The following ZNF462 variants were observed in gnomAD, a reference collection of about 807,000 sequenced individuals.
ZNF462 encodes the protein zinc finger PBX1-interacting protein.
In ZNF462, 10 loss-of-function variants were observed where a neutral mutation model predicts 201.9. That is an observed-to-expected ratio of 0.05 (90% confidence interval 0.03 to 0.08). ZNF462 has a LOEUF of 0.08. Among genes scored for constraint, ZNF462 ranks in the 10% least tolerant of loss-of-function variants. The pLI is 1.00. For synonymous variants in ZNF462, 1,227 were observed against 1,193.3 expected (o/e 1.03, Z -0.58); for missense variants, 2,523 against 3,168.3 (o/e 0.80, Z 4.89).
In ZNF462 at chr9:106,895,632, G is replaced by A. The variant is rs138804854; in HGVS notation, c.-30-27722G>A. ...ACATTTGAAACTGGATAGATCTTAC[G>A]TTATTTAATCCCTATGAAATGGATA... is the stretch of plus-strand genomic sequence containing the variant. On this transcript the variant is annotated intron_variant, in intron 1 of 12. Transcript: ENST00000277225. The surrounding 1 kb of genome is among the most constrained non-coding windows in gnomAD (Gnocchi z 4.4). Among the ~76,000 whole-genome samples, 3 of 152,316 alleles carry A rather than the reference G, an allele frequency of 2.0e-5. No individual in the cohort carries two copies. The highest frequency in any genetic ancestry group is 1.3e-4 in the Admixed American group (2 of 15,302).
In ZNF462 at chr9:106,962,576, A is replaced by C. The variant is rs1831890983; in HGVS notation, c.6428-9429A>C. Among the ~76,000 whole-genome samples the C allele has an allele frequency of 6.6e-6, 1 of 152,056 alleles. No individual in the cohort carries two copies. Among genetic ancestry groups the C allele is most frequent in the African/African-American group, 2.4e-5 (1 of 41,412 alleles). Reference sequence around the variant, plus strand: ...TAAGTATGATGGGAAACTAGATCTCAAAAAAGAGAAAGCTTGCCCATTTTT... The same window carrying C: ...TAAGTATGATGGGAAACTAGATCTCCAAAAAGAGAAAGCTTGCCCATTTTT... On this transcript the variant is annotated intron_variant, in intron 7 of 12. Coordinates refer to ENST00000277225, the MANE Select transcript of ZNF462 (RefSeq NM_021224.6). This position sits in a 1 kb window ranked among gnomAD's most constrained non-coding sequence, Gnocchi z 4.6.
rs1827288578 is a variant in ZNF462, at chr9:106,865,443, T to C, written c.-31+2088T>C. On this transcript the variant is annotated intron_variant, in intron 1 of 12. Transcript: ENST00000277225. The surrounding 1 kb of genome is among the most constrained non-coding windows in gnomAD (Gnocchi z 4.1). Reference sequence around the variant, plus strand: ...CATGTTTTGATGCATTGCAAGACTTTATTGTCTGATTTGAGTTGATTTCTG... The same window carrying C: ...CATGTTTTGATGCATTGCAAGACTTCATTGTCTGATTTGAGTTGATTTCTG... Among the ~76,000 whole-genome samples, 1 of 152,220 alleles carries C rather than the reference T, an allele frequency of 6.6e-6. No homozygotes were observed. Among genetic ancestry groups the C allele is most frequent in the African/African-American group, 2.4e-5 (1 of 41,456 alleles).
intron 10 of ZNF462, among the ~76,000 whole-genome samples, chr9:106,997,107 CT>C (rs1828791181): frequency 3.3e-5 from 5 of 150,784 alleles, no homozygotes; most frequent in Admixed American, 1.3e-4. Context: ...TCTTTTCTTT[CT>C]TTCCCCCCCC....
chr9:106,949,418 A>C (rs942065382), intron 7 of ZNF462, among the ~76,000 whole-genome samples: 1 of 152,202 alleles, frequency 6.6e-6, no homozygotes, highest in East Asian at 1.9e-4. Flanking sequence ...GAAAAAGCCA[A>C]TGGAATCTGG....
intron 7 of ZNF462, among the ~76,000 whole-genome samples, chr9:106,971,418 T>C (rs891573503): frequency 1.3e-5 from 2 of 151,998 alleles, no homozygotes; most frequent in Non-Finnish European, 2.9e-5. Flanking sequence ...TTTACTTTCT[T>C]CCTACACTTT....
rs1370377278 is a variant in ZNF462, at chr9:106,927,534, G to A, written c.3622G>A (p.Val1208Ile). The A allele has an allele frequency of 6.2e-7, 1 of 1,613,912 alleles. No individual in the cohort carries two copies. The highest frequency in any genetic ancestry group is 8.5e-7 in the Non-Finnish European group (1 of 1,179,990). ...TTATGGGAACCGGACGGTCAAAGGG[G>A]TACTCATTCATTATCAGAAGAAGCA... ...CDYGNRTVKG[V>I]LIHYQKKHRD... Residue 1208 changes from valine to isoleucine, a missense_variant, in exon 3 of 13, where the codon GTA becomes ATA. Transcript: ENST00000277225.
At chr9:106,871,412 G>C (rs1412068318) in intron 1 of ZNF462, among the ~76,000 whole-genome samples, 1 of 152,216 alleles carries the variant, frequency 6.6e-6, no homozygotes, top group Non-Finnish European at 1.5e-5. Context: ...AATTTGCTGG[G>C]AAGGAGTGAC....
At position 106,915,214 on chromosome 9, in the gene ZNF462, CT is replaced by C. The variant is rs796730828; in HGVS notation, c.-30-8129del. Among the ~76,000 whole-genome samples the C allele has an allele frequency of 2.9e-3, 370 of 128,608 alleles. 1 individual carries two copies. The highest frequency in any genetic ancestry group is 8.9e-3 in the African/African-American group (315 of 35,298). The allele number at this position is 128,608 out of a possible 152,430, so 84.4% of individuals were successfully genotyped here. A position where few individuals can be genotyped will look rare whatever the true frequency, so the allele number is the denominator to read the frequency against. On this transcript the variant is annotated intron_variant, in intron 1 of 12. Coordinates refer to ENST00000277225, the MANE Select transcript of ZNF462 (RefSeq NM_021224.6). ...GCATTTCTGTATGTTTTTTTTTTTT[CT>C]TTTTTTTTTTAAAACAGCTCAACAG...
rs767741478 is a variant in ZNF462 at position 106,993,469 on chromosome 9, G to C, written c.7056+9060G>C. On this transcript the variant is annotated intron_variant, in intron 10 of 12. Coordinates refer to ENST00000277225, the MANE Select transcript of ZNF462 (RefSeq NM_021224.6). The surrounding 1 kb of genome is among the most constrained non-coding windows in gnomAD (Gnocchi z 4.0). ...TTTATCTTTGTTACTAGTGAGCGAG[G>C]CATCACTTGTAATCTCTTAGGATCT... 6.6e-6 allele frequency among the ~76,000 whole-genome samples: 1 copy of C among 151,990 alleles called. No individual in the cohort carries two copies. The highest frequency in any genetic ancestry group is 1.9e-4 in the East Asian group (1 of 5,168).
In ZNF462 at chr9:106,958,169, T is replaced by C. The variant is rs560465088; in HGVS notation, c.6428-13836T>C. ...GGAATGTGCTGCCAGTTGGTTTTTC[T>C]CACAGTGGGAATGCATTTCTACCAA... On this transcript the variant is annotated intron_variant, in intron 7 of 12. Coordinates refer to ENST00000277225, the MANE Select transcript of ZNF462 (RefSeq NM_021224.6). Among the ~76,000 whole-genome samples, 4 of 152,174 alleles carry C rather than the reference T, an allele frequency of 2.6e-5. No individual in the cohort carries two copies. In the East Asian group the frequency reaches 5.8e-4, roughly 22 times the overall value.
chr9:106,924,778 C>T lies in ZNF462; in HGVS notation c.866C>T (p.Pro289Leu), dbSNP rs756575902. The T allele has an allele frequency of 2.9e-5, 47 of 1,614,018 alleles. No homozygotes were observed. The highest frequency in any genetic ancestry group is 9.3e-5 in the African/African-American group (7 of 74,910). ...GAAGGAACTAATCTACCTGATGTGC[C>T]GAACAAGAGTGCCCCCAGCCCCACT... ...QQEGTNLPDV[P>L]NKSAPSPTSN... Residue 289 changes from proline (P) to leucine (L), a missense_variant, in exon 3 of 13, where the codon CCG becomes CTG. Transcript: ENST00000277225. The surrounding 1 kb of genome is among the most constrained non-coding windows in gnomAD (Gnocchi z 6.2).
chr9:106,869,883 G>A (rs960201973), intron 1 of ZNF462, among the ~76,000 whole-genome samples: 5 of 152,114 alleles, frequency 3.3e-5, no homozygotes, highest in Admixed American at 2.0e-4. Flanking sequence ...AATTTAGATT[G>A]TATTTGCAGT....
chr9:106,990,385 G>T (rs769934138), intron 10 of ZNF462, among the ~76,000 whole-genome samples: 7 of 151,956 alleles, frequency 4.6e-5, no homozygotes, highest in Admixed American at 1.3e-4. Flanking sequence ...AATAGAATGT[G>T]TATTCTGTGG....
chr9:106,900,465 C>A (rs1286852340), intron 1 of ZNF462, among the ~76,000 whole-genome samples: 1 of 152,164 alleles, frequency 6.6e-6, no homozygotes, highest in African/African-American at 2.4e-5. Flanking sequence ...CACACTGTTA[C>A]ACTGTTTTCC....
chr9:106,980,464 A>G (rs948230280), intron 9 of ZNF462, among the ~76,000 whole-genome samples: 3 of 152,092 alleles, frequency 2.0e-5, no homozygotes, highest in African/African-American at 7.2e-5. Context: ...GCCTTTCAGG[A>G]AGGATTTTTG....
chr9:106,995,814 A>G (rs987172853), intron 10 of ZNF462: 4 of 152,034 alleles, frequency 2.6e-5, no homozygotes, highest in Admixed American at 2.6e-4. Flanking sequence ...ATCTTATGGC[A>G]ATTTTTTTAT....
intron 1 of ZNF462, among the ~76,000 whole-genome samples, chr9:106,867,176 A>C (rs1827371488): frequency 6.6e-6 from 1 of 152,206 alleles, no homozygotes; most frequent in Non-Finnish European, 1.5e-5. Flanking sequence ...AGCATGGCAA[A>C]CACCATAATA....
At position 107,009,427 on chromosome 9, in the gene ZNF462, C is replaced by A. The variant is rs1366597651; in HGVS notation, c.7190-118C>A. ...GAAAAAGTGAGGAATCTGGAAATTG[C>A]TTTCACCACATGGCTTTATCAGTGA... On this transcript the variant is annotated intron_variant, in intron 11 of 12. Transcript: ENST00000277225. The surrounding 1 kb of genome is among the most constrained non-coding windows in gnomAD (Gnocchi z 6.1). The A allele has an allele frequency of 7.3e-6, 10 of 1,369,828 alleles. No homozygotes were observed. The highest frequency in any genetic ancestry group is 9.9e-6 in the Non-Finnish European group (10 of 1,007,258). The allele number at this position is 1,369,828 out of a possible 1,614,324, so 84.9% of individuals were successfully genotyped here. A position where few individuals can be genotyped will look rare whatever the true frequency, so the allele number is the denominator to read the frequency against.
intron 1 of ZNF462, among the ~76,000 whole-genome samples, chr9:106,922,919 G>A (rs1830044629): frequency 6.6e-6 from 1 of 152,036 alleles, no homozygotes; most frequent in South Asian, 2.1e-4. Context: ...AGCTAATGAA[G>A]GTTGAAATTT....
Sources: allele counts gnomAD v4.1 joint callset (sites outside exome capture counted in the v4.1 genomes callset), GRCh38; gene constraint gnomAD v4.1.1; non-coding constraint Gnocchi (gnomAD v3.1); transcripts MANE v1.5; gene names NCBI Gene and HGNC (gene_info 2026-07-23, HGNC 2026-07-21).